Variants in SCRG1 observed in about 807,000 individuals in gnomAD.
SCRG1 encodes the protein scrapie-responsive protein 1.
SCRG1 carries 3 observed loss-of-function variants against 7.7 expected under a neutral mutation model. The observed-to-expected ratio is 0.39, with a 90% CI of 0.18 to 1.01. The LOEUF (loss-of-function observed/expected upper bound fraction) is 1.01. Ranked by LOEUF, SCRG1 falls within the 50% of genes least tolerant of loss-of-function variation. The pLI, the probability that SCRG1 is intolerant of heterozygous loss-of-function variation, is 0.36. For synonymous variants in SCRG1, 46 were observed against 41.2 expected (o/e 1.12, Z -0.44); for missense variants, 110 against 117.2 (o/e 0.94, Z 0.28).
the SCRG1 span, among the ~76,000 whole-genome samples, chr4:173,483,249 C>CATATAATATATATTATATATG: frequency 1.3e-3 from 67 of 52,242 alleles, 1 homozygote; most frequent in Non-Finnish European, 1.7e-3. Context: ...TATGATATAT[C>CATATAATATATATTATATATG]ATATATGATA....
chr4:173,485,058 T>TATAATATAATATA, the SCRG1 span, among the ~76,000 whole-genome samples: 2 of 9,012 alleles, frequency 2.2e-4, no homozygotes, highest in South Asian at 3.1e-3. Context: ...TAATATATTA[T>TATAATATAATATA]ATATTATATA....
the SCRG1 span, among the ~76,000 whole-genome samples, chr4:173,490,540 T>C: frequency 1.8e-3 from 274 of 152,258 alleles, no homozygotes; most frequent in Middle Eastern, 3.4e-3. Flanking sequence ...AAGTTGGTCA[T>C]ATTAATGTTC....
At chr4:173,518,483 C>G in the SCRG1 span, among the ~76,000 whole-genome samples, 3 of 152,350 alleles carry the variant, frequency 2.0e-5, no homozygotes, top group African/African-American at 7.2e-5. Flanking sequence ...GGGACCCAGA[C>G]TAGCAATCCC....
chr4:173,419,665 A>C, the SCRG1 span: 1 of 764,916 alleles, frequency 1.3e-6, no homozygotes, highest in Non-Finnish European at 2.3e-6. Flanking sequence ...GGTTAGACAA[A>C]CCTCCATCCA....
the SCRG1 span, among the ~76,000 whole-genome samples, chr4:173,455,732 C>T: frequency 3.3e-5 from 5 of 152,156 alleles, no homozygotes; most frequent in South Asian, 1.0e-3. Context: ...ATGACCGCGC[C>T]CAAAGCATTG....
the SCRG1 span, among the ~76,000 whole-genome samples, chr4:173,480,974 C>T: frequency 6.6e-6 from 1 of 152,010 alleles, no homozygotes; most frequent in African/African-American, 2.4e-5. Context: ...AAAACCTTAG[C>T]TTTTATTAGT....
At chr4:173,416,655 G>T in the SCRG1 span, among the ~76,000 whole-genome samples, 1 of 152,088 alleles carries the variant, frequency 6.6e-6, no homozygotes, top group Non-Finnish European at 1.5e-5. Context: ...AATTGTAAAA[G>T]TTTGAAACCA....
At chr4:173,473,203 C>T in the SCRG1 span, among the ~76,000 whole-genome samples, 1 of 152,178 alleles carries the variant, frequency 6.6e-6, no homozygotes, top group Non-Finnish European at 1.5e-5. Context: ...GCATATGGCA[C>T]ACAGATACCA....
the SCRG1 span, among the ~76,000 whole-genome samples, chr4:173,450,427 G>T: frequency 6.6e-6 from 1 of 152,172 alleles, no homozygotes; most frequent in Non-Finnish European, 1.5e-5. Flanking sequence ...GGGCGTTCCT[G>T]AGCCACTGCA....
chr4:173,483,838 A>G, the SCRG1 span, among the ~76,000 whole-genome samples: 73 of 13,578 alleles, frequency 5.4e-3, 13 homozygotes, highest in Admixed American at 0.018. Context: ...TATAATATAT[A>G]ATATATAATA....
At chr4:173,439,014 A>T in the SCRG1 span, among the ~76,000 whole-genome samples, 1 of 151,936 alleles carries the variant, frequency 6.6e-6, no homozygotes, top group East Asian at 2.0e-4. Context: ...TGCAGATGTG[A>T]TGTATACACT....
At chr4:173,477,872 G>T in the SCRG1 span, among the ~76,000 whole-genome samples, 2 of 151,900 alleles carry the variant, frequency 1.3e-5, no homozygotes, top group South Asian at 4.2e-4. Flanking sequence ...AGTCTCAAGT[G>T]ATAGTCCCCC....
chr4:173,484,001 ATT>A, the SCRG1 span, among the ~76,000 whole-genome samples: 2 of 74,332 alleles, frequency 2.7e-5, no homozygotes, highest in East Asian at 4.3e-4. Context: ...TATGATATAT[ATT>A]ACATATTATA....
chr4:173,477,696 CT>C, the SCRG1 span, among the ~76,000 whole-genome samples: 1 of 151,328 alleles, frequency 6.6e-6, no homozygotes, highest in East Asian at 1.9e-4. Flanking sequence ...AGTTGGTTTT[CT>C]TTTTTTTCCC....
chr4:173,435,583 A>C, the SCRG1 span, among the ~76,000 whole-genome samples: 21 of 152,346 alleles, frequency 1.4e-4, no homozygotes, highest in South Asian at 4.1e-3. Context: ...GTCCACAGAG[A>C]CTGCCAGGGG....
At chr4:173,390,647 T>C (rs1340198065) in intron 2 of SCRG1, among the ~76,000 whole-genome samples, 1 of 149,656 alleles carries the variant, frequency 6.7e-6, no homozygotes, top group African/African-American at 2.4e-5. Context: ...TAATTTTGTA[T>C]TTTTTTTGTA....
chr4:173,416,157 C>G, the SCRG1 span, among the ~76,000 whole-genome samples: 1 of 152,222 alleles, frequency 6.6e-6, no homozygotes, highest in African/African-American at 2.4e-5. Context: ...GAGGCCCTAA[C>G]GTTTTCCTAG....
chr4:173,407,355 A>G (rs1170712239), upstream of SCRG1, among the ~76,000 whole-genome samples: 1 of 152,006 alleles, frequency 6.6e-6, no homozygotes, highest in Non-Finnish European at 1.5e-5. Flanking sequence ...CATCTGTACT[A>G]AAAATACAAA....
At chr4:173,512,313 A>G in the SCRG1 span, among the ~76,000 whole-genome samples, 1 of 152,228 alleles carries the variant, frequency 6.6e-6, no homozygotes, top group Non-Finnish European at 1.5e-5. Context: ...TAAGAGGGAC[A>G]GGGGAAAAAA....
Sources: allele counts gnomAD v4.1 joint callset (sites outside exome capture counted in the v4.1 genomes callset), GRCh38; gene constraint gnomAD v4.1.1; transcripts MANE v1.5; gene names NCBI Gene and HGNC (gene_info 2026-07-23, HGNC 2026-07-21).